Variants in RBM34 observed in about 807,000 individuals in gnomAD.
The protein encoded by RBM34 is RNA-binding protein 34.
In RBM34, 39 loss-of-function variants were observed where a neutral mutation model predicts 44.6. The ratio of observed to expected loss-of-function variants is 0.87; its 90% CI spans 0.68 to 1.14. RBM34 has a LOEUF of 1.14. RBM34 is among the 50% of genes most tolerant of loss of function. The probability of loss-of-function intolerance (pLI) is 0.00; values close to 1 mark genes in which losing one functional copy is unlikely to be tolerated. For synonymous variants in RBM34, 194 were observed against 184.0 expected, an observed-to-expected ratio of 1.05 and a Z score of -0.44; for missense variants, 572 against 517.9, an observed-to-expected ratio of 1.10 and a Z score of -1.01.
chr1:235,134,108 A>C (rs533842646), intron 10 of RBM34, among the ~76,000 whole-genome samples: 1 of 152,130 alleles, frequency 6.6e-6, no homozygotes, highest in South Asian at 2.1e-4. Flanking sequence ...TGCAGCCTCG[A>C]CCTCCCAAGG....
chr1:235,139,659 C>T (rs1470567260), intron 6 of RBM34, among the ~76,000 whole-genome samples: 1 of 152,134 alleles, frequency 6.6e-6, no homozygotes, highest in Non-Finnish European at 1.5e-5. Context: ...CCAGAAAGTG[C>T]ATCACTCCTG....
chr1:235,161,093 C>T, intron 1 of RBM34, 26 bp from the exon 2 acceptor site: 1 of 1,608,678 alleles, frequency 6.2e-7, no homozygotes, highest in Non-Finnish European at 8.5e-7. Flanking sequence ...AGAAACTCAG[C>T]CACGCCACGC....
chr1:235,132,914 C>A (rs899504105), intron 10 of RBM34, among the ~76,000 whole-genome samples: 1 of 152,148 alleles, frequency 6.6e-6, no homozygotes, highest in Admixed American at 6.5e-5. Context: ...TGGCAACAAA[C>A]GCTGTGACAA....
intron 4 of RBM34, among the ~76,000 whole-genome samples, chr1:235,153,584 C>T (rs1662261198): frequency 6.6e-6 from 1 of 152,100 alleles, no homozygotes; most frequent in African/African-American, 2.4e-5. Context: ...GTCACCACAC[C>T]CAGCTAATTT....
chr1:235,152,217 C>T (rs1021844734), intron 5 of RBM34, among the ~76,000 whole-genome samples: 6 of 151,792 alleles, frequency 4.0e-5, no homozygotes, highest in African/African-American at 1.5e-4. Flanking sequence ...GTGGCTATAA[C>T]TGGTTCAGAG....
chr1:235,142,271 C>T (rs940531213), intron 6 of RBM34, among the ~76,000 whole-genome samples: 2 of 149,766 alleles, frequency 1.3e-5, no homozygotes, highest in Non-Finnish European at 3.0e-5. Context: ...AGCCAACTGA[C>T]AAGCAATAGC....
intron 6 of RBM34, among the ~76,000 whole-genome samples, chr1:235,139,769 C>A (rs2102832413): frequency 6.6e-6 from 1 of 152,346 alleles, no homozygotes; most frequent in South Asian, 2.1e-4. Context: ...CAGCTAGAAG[C>A]TAAGGACAGG....
chr1:235,159,715 CAA>C (rs1439327429), intron 3 of RBM34, among the ~76,000 whole-genome samples: 1 of 150,890 alleles, frequency 6.6e-6, no homozygotes, highest in Admixed American at 6.6e-5. Context: ...ACTAAAAACA[CAA>C]AAAATTAACC....
intron 2 of RBM34, 75 bp downstream of exon 2, chr1:235,160,818 C>T (rs994370017): frequency 1.3e-6 from 2 of 1,562,290 alleles, no homozygotes; most frequent in African/African-American, 1.4e-5. Context: ...TCACGCTTCA[C>T]GCGGTAGGTA....
At chr1:235,150,264 G>A (rs1051109787) in intron 5 of RBM34, among the ~76,000 whole-genome samples, 2 of 152,160 alleles carry the variant, frequency 1.3e-5, no homozygotes, top group Non-Finnish European at 2.9e-5. Context: ...TAGTAGAAAC[G>A]TAGTTTTGCC....
At chr1:235,144,222 T>C (rs1156630372) in intron 6 of RBM34, among the ~76,000 whole-genome samples, 3 of 152,120 alleles carry the variant, frequency 2.0e-5, no homozygotes, top group African/African-American at 7.2e-5. Context: ...AAAATCATTA[T>C]GCTGAGCAAA....
Position 235,152,610 on chromosome 1 carries a change from A to G in RBM34, c.657+96T>C, listed in dbSNP as rs144592270. 101 of 1,543,518 alleles carry G rather than the reference A, an allele frequency of 6.5e-5. No individual in the cohort carries two copies. The African/African-American group carries it at 1.3e-3, about 20-fold the overall frequency. Reference sequence around the variant, plus strand: ...TTTGAACCTATTGATTCAAAAGGTTAAAGTGCTTCACCATCTCACTAACAG... The same window carrying G: ...TTTGAACCTATTGATTCAAAAGGTTGAAGTGCTTCACCATCTCACTAACAG... On this transcript the variant is annotated intron_variant, in intron 5 of 10. Coordinates refer to ENST00000408888, the MANE Select transcript of RBM34 (RefSeq NM_015014.4).
rs1343955135 is a variant in RBM34 at position 235,142,738 on chromosome 1, G to A, written c.702-4564C>T. Among the ~76,000 whole-genome samples the A allele has an allele frequency of 4.0e-5, 6 of 149,056 alleles. No individual in the cohort carries two copies. The East Asian group carries it at 6.3e-4, about 16-fold the overall frequency. On this transcript the variant is annotated intron_variant, in intron 6 of 10. Coordinates refer to ENST00000408888, the MANE Select transcript of RBM34 (RefSeq NM_015014.4). Reference sequence around the variant, plus strand: ...AGGTCAGGAGTTCGAAACCAGCCTGGCCAACATGGTGAAACCCCGTCTCTA... The same window carrying A: ...AGGTCAGGAGTTCGAAACCAGCCTGACCAACATGGTGAAACCCCGTCTCTA...
At chr1:235,138,440 CCT>C (rs1419364344) in intron 6 of RBM34, among the ~76,000 whole-genome samples, 2 of 152,096 alleles carry the variant, frequency 1.3e-5, no homozygotes, top group African/African-American at 4.8e-5. Context: ...TATATGAATC[CCT>C]GAGAACCATA....
At position 235,160,917 on chromosome 1, in the gene RBM34, T is replaced by G. The variant is rs756352943; in HGVS notation, c.204A>C (p.Gln68His). The change falls in exon 2 of 11, where the codon CAA becomes CAC. Residue 68 changes from glutamine (Q) to histidine (H), a missense_variant. Physicochemically the swap from Gln to His is conservative, Grantham distance 24. Transcript: ENST00000408888. ...CTTTAGGCACAGGCACGTACACGGG[T>G]TGAATCTGGGGCTCCAGAGAACTGA... ...SLFSSLEPQI[Q>H]PVYVPVPKQT... 16 of 1,613,924 alleles carry G rather than the reference T, an allele frequency of 9.9e-6. No homozygotes were observed. In the African/African-American group the frequency reaches 1.9e-4, roughly 19 times the overall value.
In RBM34 at chr1:235,161,042, C is replaced by T. The variant is rs1662696609; in HGVS notation, c.79G>A (p.Gly27Arg). The T allele has an allele frequency of 6.2e-7, 1 of 1,613,772 alleles. No homozygotes were observed. The highest frequency in any genetic ancestry group is 8.5e-7 in the Non-Finnish European group (1 of 1,179,866). The change falls in exon 2 of 11, where the codon GGG becomes AGG. Residue 27 changes from glycine to arginine, a missense_variant. Gly to Arg is a moderately radical substitution (Grantham distance 125). Coordinates refer to ENST00000408888, the MANE Select transcript of RBM34 (RefSeq NM_015014.4). Reference sequence around the variant, plus strand: ...AGCCTGTAGTCTTCCGGCGGACTCCCGCGAACGCCGTCGTCAGGATTCTCT... The same window carrying T: ...AGCCTGTAGTCTTCCGGCGGACTCCTGCGAACGCCGTCGTCAGGATTCTCT... ...EGENPDDGVR[G>R]SPPEDYRLGQ...
Position 235,160,848 on chromosome 1 carries a change from A to G in RBM34, c.228+45T>C, listed in dbSNP as rs547740524. The G allele has an allele frequency of 1.0e-5, 16 of 1,602,736 alleles. No homozygotes were observed. In the African/African-American group the frequency reaches 2.1e-4, roughly 21 times the overall value. ...TAGGTAAGAAGATTGCTTTGTATGT[A>G]AGTGGTTCTAACGAGCTATTCGGGA... On this transcript the variant is annotated intron_variant, in intron 2 of 10. Coordinates refer to ENST00000408888, the MANE Select transcript of RBM34 (RefSeq NM_015014.4).
In RBM34 at chr1:235,161,055, G is replaced by A. The variant is rs768906979; in HGVS notation, c.66C>T (p.Asp22=). ...CCGGCGGACTCCCGCGAACGCCGTC[G>A]TCAGGATTCTCTCTAGAAATGGACG... ...KRSVQEGENP[D]DGVRGSPPED... Residue 22 remains aspartate, a synonymous_variant, in exon 2 of 11, where the codon GAC becomes GAT. Transcript: ENST00000408888. 6.2e-7 allele frequency: 1 copy of A among 1,613,834 alleles called. No individual in the cohort carries two copies. Among genetic ancestry groups the A allele is most frequent in the South Asian group, 1.1e-5 (1 of 91,070 alleles).
intron 8 of RBM34, among the ~76,000 whole-genome samples, chr1:235,137,676 A>G (rs1661482993): frequency 6.6e-6 from 1 of 151,800 alleles, no homozygotes; most frequent in Admixed American, 6.6e-5. Context: ...GTGCCCAGCC[A>G]GGACTACGTT....
Sources: gnomAD v4.1 joint callset for allele counts (sites outside exome capture counted in the v4.1 genomes callset) on GRCh38, gnomAD v4.1.1 for gene constraint, MANE v1.5 for transcripts, NCBI Gene and HGNC (gene_info 2026-07-23, HGNC 2026-07-21) for gene names.